Variants in DLGAP2 observed in about 807,000 individuals in gnomAD.
DLGAP2 encodes disks large-associated protein 2.
DLGAP2 carries 26 observed loss-of-function variants against 100.3 expected under a neutral mutation model. That is an observed-to-expected ratio of 0.26 (90% CI 0.19 to 0.36). The LOEUF (loss-of-function observed/expected upper bound fraction) is 0.36. Among genes scored for constraint, DLGAP2 ranks in the 10% least tolerant of loss-of-function variants. The probability of loss-of-function intolerance (pLI) is 1.00; values close to 1 mark genes in which losing one functional copy is unlikely to be tolerated. For missense variants in DLGAP2, 1,858 were observed against 1,453.2 expected, an observed-to-expected ratio of 1.28 and a Z score of -4.53; for synonymous variants, 886 against 630.1, an observed-to-expected ratio of 1.41 and a Z score of -6.08.
chr8:1,680,361 A>G (rs1219624728), intron 12 of DLGAP2, among the ~76,000 whole-genome samples: 1 of 152,250 alleles, frequency 6.6e-6, no homozygotes, highest in Non-Finnish European at 1.5e-5. Flanking sequence ...AACTACATTG[A>G]CTATGACTTA....
intron 2 of DLGAP2, among the ~76,000 whole-genome samples, chr8:972,213 A>T (rs1401312208): frequency 6.6e-6 from 1 of 152,224 alleles, no homozygotes; most frequent in Non-Finnish European, 1.5e-5. Flanking sequence ...CATTTATCTT[A>T]GTGCACTTTT....
At chr8:1,232,803 A>T (rs1040092680) in intron 2 of DLGAP2, among the ~76,000 whole-genome samples, 8 of 152,150 alleles carry the variant, frequency 5.3e-5, no homozygotes, top group African/African-American at 1.7e-4. Flanking sequence ...AGTGTAGTAA[A>T]CGTATCGCAA....
At chr8:1,290,731 A>G (rs1176582289) in intron 3 of DLGAP2, among the ~76,000 whole-genome samples, 1 of 152,220 alleles carries the variant, frequency 6.6e-6, no homozygotes, top group African/African-American at 2.4e-5. Flanking sequence ...CATTCCAGAC[A>G]GTATGTAGTT....
chr8:1,110,920 G>C (rs761254948), intron 2 of DLGAP2, among the ~76,000 whole-genome samples: 5 of 152,068 alleles, frequency 3.3e-5, no homozygotes, highest in African/African-American at 1.2e-4. Flanking sequence ...GCTTTTGGGG[G>C]TTTGGGGTCA....
chr8:1,079,351 A>T (rs1803724452), intron 2 of DLGAP2, among the ~76,000 whole-genome samples: 1 of 152,162 alleles, frequency 6.6e-6, no homozygotes, highest in Admixed American at 6.5e-5. Context: ...GCCTTGTCTC[A>T]GTCTATTTTA....
At chr8:741,924 A>G (rs1039261151) in intron 1 of DLGAP2, among the ~76,000 whole-genome samples, 2 of 152,246 alleles carry the variant, frequency 1.3e-5, no homozygotes, top group Non-Finnish European at 2.9e-5. Flanking sequence ...ACAGCCTTGC[A>G]GGGATGGCCT....
chr8:758,964 A>G (rs184247015), intron 1 of DLGAP2, among the ~76,000 whole-genome samples: 51 of 151,150 alleles, frequency 3.4e-4, no homozygotes, highest in African/African-American at 1.2e-3. Flanking sequence ...CCCATTATCA[A>G]TAACCCCCAC....
intron 5 of DLGAP2, among the ~76,000 whole-genome samples, chr8:1,555,476 C>T (rs1316538117): frequency 6.6e-6 from 1 of 152,216 alleles, no homozygotes; most frequent in African/African-American, 2.4e-5. Context: ...CCACCGCTTC[C>T]CCCCGGCCCC....
At chr8:1,342,512 G>A (rs1041809023) in intron 3 of DLGAP2, among the ~76,000 whole-genome samples, 1 of 38,874 alleles carries the variant, frequency 2.6e-5, no homozygotes, top group East Asian at 8.1e-4. Context: ...TAATAGTTTG[G>A]GTTTGTGGGC....
At chr8:1,050,963 T>A (rs1252232956) in intron 2 of DLGAP2, among the ~76,000 whole-genome samples, 1 of 63,642 alleles carries the variant, frequency 1.6e-5, no homozygotes, top group African/African-American at 6.6e-5. Flanking sequence ...TGTGGTGGGG[T>A]CATTTCGTGG....
intron 1 of DLGAP2, among the ~76,000 whole-genome samples, chr8:856,909 A>G (rs904113604): frequency 6.6e-6 from 1 of 152,256 alleles, no homozygotes; most frequent in African/African-American, 2.4e-5. Context: ...GAAGACCCAG[A>G]CAAGTTAACA....
intron 2 of DLGAP2, among the ~76,000 whole-genome samples, chr8:1,090,343 G>T (rs535585660): frequency 1.5e-5 from 2 of 132,870 alleles, no homozygotes; most frequent in Admixed American, 1.7e-4. Context: ...TCTGCCCTCT[G>T]GGGCCCTCCT....
At chr8:1,194,037 G>A (rs576218356) in intron 2 of DLGAP2, among the ~76,000 whole-genome samples, 8 of 152,224 alleles carry the variant, frequency 5.3e-5, no homozygotes, top group East Asian at 1.9e-4. Context: ...CCAAATCCAC[G>A]TACTGTGACA....
chr8:899,119 C>T (rs1798202025), intron 1 of DLGAP2, among the ~76,000 whole-genome samples: 1 of 152,206 alleles, frequency 6.6e-6, no homozygotes, highest in Non-Finnish European at 1.5e-5. Flanking sequence ...AGCGGAACAG[C>T]AGCCTGATGT....
chr8:828,794 G>A (rs1205459958), intron 1 of DLGAP2, among the ~76,000 whole-genome samples: 3 of 152,190 alleles, frequency 2.0e-5, no homozygotes, highest in South Asian at 4.1e-4. Context: ...GGGAACTAAT[G>A]AATGTCCATA....
At chr8:1,374,333 C>T (rs751732558) in intron 3 of DLGAP2, among the ~76,000 whole-genome samples, 1 of 151,658 alleles carries the variant, frequency 6.6e-6, no homozygotes, top group African/African-American at 2.4e-5. Context: ...CCATGCAGCC[C>T]GCAAAACACC....
intron 10 of DLGAP2, 147 bp downstream of exon 10, chr8:1,669,931 A>C (rs1021693932): frequency 2.4e-5 from 16 of 674,928 alleles, no homozygotes; most frequent in Non-Finnish European, 4.4e-5. Context: ...TGTCCCCCTT[A>C]GATGAGGACA....
intron 2 of DLGAP2, among the ~76,000 whole-genome samples, chr8:1,150,033 A>G (rs1585104025): frequency 6.6e-6 from 1 of 152,216 alleles, no homozygotes; most frequent in East Asian, 1.9e-4. Flanking sequence ...TGTGGTTGAT[A>G]TTTAGATTTA....
intron 2 of DLGAP2, among the ~76,000 whole-genome samples, chr8:1,192,063 T>G (rs771004608): frequency 4.6e-5 from 7 of 152,318 alleles, no homozygotes; most frequent in African/African-American, 9.6e-5. Context: ...CTCCCAGGGC[T>G]CTCTGAGATG....
Sources: gnomAD v4.1 joint callset for allele counts (sites outside exome capture counted in the v4.1 genomes callset) on GRCh38, gnomAD v4.1.1 for gene constraint, MANE v1.5 for transcripts, NCBI Gene and HGNC (gene_info 2026-07-23, HGNC 2026-07-21) for gene names.